The following TRPC7 variants were observed in gnomAD, a reference collection of about 807,000 sequenced individuals.
TRPC7 encodes transient receptor potential cation channel subfamily C member 7, also known as short transient receptor potential channel 7.
In TRPC7, 42 loss-of-function variants were observed where a neutral mutation model predicts 90.1. That is an observed-to-expected ratio of 0.47 (90% CI 0.36 to 0.60). The LOEUF (loss-of-function observed/expected upper bound fraction) is 0.60, where lower values mean the gene tolerates loss of function less well. Ranked by LOEUF, TRPC7 falls within the 20% of genes least tolerant of loss-of-function variation. The probability of loss-of-function intolerance (pLI) is 0.00; values close to 1 mark genes in which losing one functional copy is unlikely to be tolerated. For missense variants in TRPC7, 955 were observed against 1,112.3 expected, an observed-to-expected ratio of 0.86 and a Z score of 2.01; for synonymous variants, 451 against 436.3, an observed-to-expected ratio of 1.03 and a Z score of -0.42.
chr5:136,299,809 G>T (rs1758314465), intron 3 of TRPC7, among the ~76,000 whole-genome samples: 1 of 152,268 alleles, frequency 6.6e-6, no homozygotes, highest in East Asian at 1.9e-4. Flanking sequence ...GGCGCTTGTT[G>T]TTCTTTCCAC....
chr5:136,307,285 A>G (rs1469521261), intron 3 of TRPC7, among the ~76,000 whole-genome samples: 1 of 151,740 alleles, frequency 6.6e-6, no homozygotes, highest in Non-Finnish European at 1.5e-5. Context: ...ACAACTCCCC[A>G]TTCCCTCCCT....
chr5:136,310,825 G>C (rs1407304932), intron 3 of TRPC7, among the ~76,000 whole-genome samples: 6 of 152,038 alleles, frequency 3.9e-5, no homozygotes, highest in Non-Finnish European at 8.8e-5. Flanking sequence ...ACTCTTTGAA[G>C]GTATGACTGT....
chr5:136,216,076 G>T, intron 11 of TRPC7, 124 bp downstream of exon 11: 1 of 755,820 alleles, frequency 1.3e-6, no homozygotes, highest in Non-Finnish European at 2.2e-6. Flanking sequence ...CAAGGAGACT[G>T]AGCCTCCCTG....
At chr5:136,306,192 A>G (rs1162071204) in intron 3 of TRPC7, among the ~76,000 whole-genome samples, 1 of 152,214 alleles carries the variant, frequency 6.6e-6, no homozygotes, top group African/African-American at 2.4e-5. Context: ...CTCTTGAAGT[A>G]AATAAATAAT....
chr5:136,354,213 C>T (rs1049604995), intron 2 of TRPC7, among the ~76,000 whole-genome samples: 1 of 152,180 alleles, frequency 6.6e-6, no homozygotes, highest in Admixed American at 6.5e-5. Context: ...CAATTCTCCT[C>T]AGCACATCCT....
At chr5:136,295,415 C>A (rs972330750) in intron 3 of TRPC7, among the ~76,000 whole-genome samples, 1 of 152,184 alleles carries the variant, frequency 6.6e-6, no homozygotes, top group Non-Finnish European at 1.5e-5. Flanking sequence ...TATCTGTGGA[C>A]TGGACAAGAA....
rs541528853 is a variant in TRPC7 at position 136,217,707 on chromosome 5, C to G, written c.2344-1432G>C. ...TAGTCTAGTCAATAAAGTAAGTTAT[C>G]TAAGTTATAAAAAATATATCCCTTT... On this transcript the variant is annotated intron_variant, in intron 10 of 11. Coordinates refer to ENST00000513104, the MANE Select transcript of TRPC7 (RefSeq NM_020389.3). Among the ~76,000 whole-genome samples the G allele has an allele frequency of 2.2e-4, 34 of 152,274 alleles. 1 individual carries two copies. In the South Asian group the frequency reaches 6.6e-3, roughly 30 times the overall value.
intron 2 of TRPC7, among the ~76,000 whole-genome samples, chr5:136,350,076 A>G (rs1356551624): frequency 1.3e-5 from 2 of 152,170 alleles, no homozygotes; most frequent in African/African-American, 4.8e-5. Flanking sequence ...AGTGAGCTGT[A>G]TCATCTAGGT....
intron 6 of TRPC7, among the ~76,000 whole-genome samples, chr5:136,249,369 T>C (rs896947344): frequency 5.9e-5 from 9 of 152,300 alleles, no homozygotes; most frequent in Admixed American, 4.6e-4. Flanking sequence ...ATAATAACAT[T>C]ACAGATTCTA....
rs1219723220 is a variant in TRPC7, at chr5:136,225,363, AAC to A, written c.2263-11_2263-10del. ...GCCTGGTAGCGAGTCTTCTGGATAA[AAC>A]AAACAAACCCACACACATCACACAG... On this transcript the variant is annotated splice_polypyrimidine_tract_variant and intron_variant, in intron 9 of 11. Transcript: ENST00000513104. The A allele has an allele frequency of 1.9e-6, 3 of 1,611,532 alleles. No individual in the cohort carries two copies. The highest frequency in any genetic ancestry group is 2.5e-6 in the Non-Finnish European group (3 of 1,179,038).
At chr5:136,303,187 T>C (rs916203914) in intron 3 of TRPC7, among the ~76,000 whole-genome samples, 4 of 152,168 alleles carry the variant, frequency 2.6e-5, no homozygotes, top group African/African-American at 7.2e-5. Flanking sequence ...ATCAGATAGC[T>C]TCTAGGCTCT....
At chr5:136,326,384 T>G (rs1423397232) in intron 2 of TRPC7, among the ~76,000 whole-genome samples, 4 of 152,206 alleles carry the variant, frequency 2.6e-5, no homozygotes, top group African/African-American at 9.6e-5. Context: ...AAGGTCAGTA[T>G]GTAGGTGAGG....
At chr5:136,289,257 A>G (rs1303641376) in intron 3 of TRPC7, among the ~76,000 whole-genome samples, 1 of 152,240 alleles carries the variant, frequency 6.6e-6, no homozygotes, top group Non-Finnish European at 1.5e-5. Context: ...TGACTTCTGC[A>G]TTTCCAACTG....
At chr5:136,328,999 A>T (rs1261352840) in intron 2 of TRPC7, among the ~76,000 whole-genome samples, 4 of 152,226 alleles carry the variant, frequency 2.6e-5, no homozygotes, top group Non-Finnish European at 5.9e-5. Flanking sequence ...TCTGCAGGTC[A>T]CTGCGCACCA....
At chr5:136,353,697 C>T (rs928637782) in intron 2 of TRPC7, among the ~76,000 whole-genome samples, 2 of 152,054 alleles carry the variant, frequency 1.3e-5, no homozygotes, top group East Asian at 1.9e-4. Flanking sequence ...TGCCATTTGT[C>T]GACAATCCAA....
At chr5:136,361,998 A>T (rs1760583323) in intron 1 of TRPC7, among the ~76,000 whole-genome samples, 1 of 152,176 alleles carries the variant, frequency 6.6e-6, no homozygotes, top group Admixed American at 6.5e-5. Context: ...TGTTCATGAC[A>T]ATAATGATCA....
chr5:136,225,421 T>C lies in TRPC7; in HGVS notation c.2263-67A>G, dbSNP rs146227250. 8.5e-5 allele frequency: 127 copies of C among 1,490,956 alleles called. No individual in the cohort carries two copies. In the African/African-American group the frequency reaches 1.6e-3, roughly 19 times the overall value. 92.4% of individuals were successfully genotyped at this position (1,490,956 alleles called of 1,614,324 possible). A position where few individuals can be genotyped will look rare whatever the true frequency, so the allele number is the denominator to read the frequency against. On this transcript the variant is annotated intron_variant, in intron 9 of 11. Transcript: ENST00000513104. The stretch of plus-strand genomic sequence containing the variant: ...CATACATGCATCCCTACATATCTCG[T>C]AGGACTTGAACAGTATCCATATACG...
intron 5 of TRPC7, among the ~76,000 whole-genome samples, chr5:136,253,509 C>G (rs1306550016): frequency 6.6e-6 from 1 of 152,062 alleles, no homozygotes; most frequent in Admixed American, 6.6e-5. Context: ...ATATTTCAAA[C>G]CTTTTCATTA....
intron 4 of TRPC7, among the ~76,000 whole-genome samples, chr5:136,272,805 G>A (rs932749641): frequency 7.2e-5 from 11 of 152,108 alleles, no homozygotes; most frequent in Admixed American, 3.9e-4. Context: ...CCAGAAAACT[G>A]CCATAGGTCT....
Sources: gnomAD v4.1 joint callset for allele counts (sites outside exome capture counted in the v4.1 genomes callset) on GRCh38, gnomAD v4.1.1 for gene constraint, MANE v1.5 for transcripts, NCBI Gene and HGNC (gene_info 2026-07-23, HGNC 2026-07-21) for gene names.